PHETA2: variants seen among roughly 807,000 people sequenced by gnomAD.
PHETA2 encodes sesquipedalian-2.
For synonymous variants in PHETA2, 133 were observed against 142.9 expected (o/e 0.93, Z 0.50); for missense variants, 321 against 341.3 (o/e 0.94, Z 0.47).
rs541123415 is a variant in PHETA2 at position 42,075,177 on chromosome 22, T to C, written c.-96-394T>C. ...TGGGATGAAGGAAACAAACCAGAAA[T>C]GGGGGGGTCTACTGGTCAGGTGACC... On this transcript the variant is annotated intron_variant, in intron 1 of 2. Transcript: ENST00000321753. This position sits in a 1 kb window ranked among gnomAD's most constrained non-coding sequence, Gnocchi z 4.8. Among the ~76,000 whole-genome samples, 1 of 152,052 alleles carries C rather than the reference T, an allele frequency of 6.6e-6. No individual in the cohort carries two copies. The highest frequency in any genetic ancestry group is 2.4e-5 in the African/African-American group (1 of 41,470).
chr22:42,077,977 T>A lies in PHETA2; in HGVS notation c.684T>A (p.His228Gln). Reference protein sequence around the residue: ...SPETSCFSTLHDWYGQEIVEL... With the variant: ...SPETSCFSTLQDWYGQEIVEL... ...AGACCTCCTGCTTCTCTACCCTGCA[T>A]GACTGGTATGGCCAGGAGATCGTGG... is the stretch of plus-strand genomic sequence containing the variant. The change falls in exon 3 of 3, where the codon CAT becomes CAA. Residue 228 changes from histidine to glutamine, a missense_variant. Coordinates refer to ENST00000321753, the MANE Select transcript of PHETA2 (RefSeq NM_001002034.3). 6.2e-7 allele frequency: 1 copy of A among 1,611,950 alleles called. No homozygotes were observed. Among genetic ancestry groups the A allele is most frequent in the Non-Finnish European group, 8.5e-7 (1 of 1,179,194 alleles).
rs766575469 is a variant in PHETA2 at position 42,077,883 on chromosome 22, T to A, written c.590T>A (p.Leu197Ter). 2 of 1,613,502 alleles carry A rather than the reference T, an allele frequency of 1.2e-6. No individual in the cohort carries two copies. Among genetic ancestry groups the A allele is most frequent in the African/African-American group, 2.7e-5 (2 of 74,902 alleles). Residue 197 changes from leucine (L) to a stop codon, truncating the protein, a stop_gained, in exon 3 of 3, where the codon TTG becomes TAG. Coordinates refer to ENST00000321753, the MANE Select transcript of PHETA2 (RefSeq NM_001002034.3). LOFTEE classifies it high-confidence loss of function. ...EAGSRSAGWG[L>*]AEWELQGPAS... is the part of the protein sequence containing the mutation. The stretch of plus-strand genomic sequence containing the variant: ...GGCAGCAGGTCTGCAGGGTGGGGGT[T>A]GGCTGAGTGGGAGCTGCAGGGCCCT...
At position 42,075,007 on chromosome 22, in the gene PHETA2, C is replaced by T. The variant is rs1025025908; in HGVS notation, c.-96-564C>T. Among the ~76,000 whole-genome samples, 3 of 152,166 alleles carry T rather than the reference C, an allele frequency of 2.0e-5. No homozygotes were observed. Among genetic ancestry groups the T allele is most frequent in the Non-Finnish European group, 4.4e-5 (3 of 68,038 alleles). ...ACTTCGATTTGTCCACTGATGTATC[C>T]CCATTAATTCAACAGATCCCTCCTG... On this transcript the variant is annotated intron_variant, in intron 1 of 2. Coordinates refer to ENST00000321753, the MANE Select transcript of PHETA2 (RefSeq NM_001002034.3). The surrounding 1 kb of genome is among the most constrained non-coding windows in gnomAD (Gnocchi z 4.8).
In PHETA2 at chr22:42,077,833, C is replaced by A. The variant is rs866739275; in HGVS notation, c.540C>A (p.Ser180Arg). The A allele has an allele frequency of 6.2e-7, 1 of 1,613,144 alleles. No individual in the cohort carries two copies. Among genetic ancestry groups the A allele is most frequent in the Non-Finnish European group, 8.5e-7 (1 of 1,179,858 alleles). The stretch of plus-strand genomic sequence containing the variant: ...GCCACTGCCTCTCCAAGGACAGCAG[C>A]CCTGTGGGCTTGGTTGAAGAAGCGG... ...ENGHCLSKDS[S>R]PVGLVEEAGS... is the part of the protein sequence containing the mutation. Residue 180 changes from serine to arginine, a missense_variant, in exon 3 of 3, where the codon AGC becomes AGA. Coordinates refer to ENST00000321753, the MANE Select transcript of PHETA2 (RefSeq NM_001002034.3).
At position 42,078,433 on chromosome 22, in the gene PHETA2, G is replaced by A; in HGVS notation, c.*360G>A. 3.9e-6 allele frequency: 1 copy of A among 255,768 alleles called. No homozygotes were observed. The highest frequency in any genetic ancestry group is 8.0e-6 in the Non-Finnish European group (1 of 125,716). 15.8% of individuals were successfully genotyped at this position (255,768 alleles called of 1,614,324 possible). A position where few individuals can be genotyped will look rare whatever the true frequency, so the allele number is the denominator to read the frequency against. On this transcript the variant is annotated 3_prime_UTR_variant, in exon 3 of 3. Transcript: ENST00000321753. Reference sequence around the variant, plus strand: ...TTGCCATACCTTTGGCCTACACACCGGGCTCTAGAGCCATAATTTCCAACC... The same window carrying A: ...TTGCCATACCTTTGGCCTACACACCAGGCTCTAGAGCCATAATTTCCAACC...
At position 42,077,705 on chromosome 22, in the gene PHETA2, G is replaced by A. The variant is rs1927348892; in HGVS notation, c.412G>A (p.Ala138Thr). The A allele has an allele frequency of 6.2e-7, 1 of 1,614,082 alleles. No homozygotes were observed. The highest frequency in any genetic ancestry group is 2.2e-5 in the East Asian group (1 of 44,882). The change falls in exon 3 of 3, where the codon GCA (alanine) becomes ACA (threonine). Residue 138 changes from alanine (A) to threonine (T), a missense_variant. Physicochemically the swap from Ala to Thr is moderately conservative, Grantham distance 58. Coordinates refer to ENST00000321753, the MANE Select transcript of PHETA2 (RefSeq NM_001002034.3). Reference sequence around the variant, plus strand: ...CGAGTTGGAGAGCCAGTTGCAGGACGCACGCCAGAGCCTGGCTTTGCAACG... The same window carrying A: ...CGAGTTGGAGAGCCAGTTGCAGGACACACGCCAGAGCCTGGCTTTGCAACG... ...VRELESQLQDARQSLALQRRS... is the reference protein window; with the variant it reads ...VRELESQLQDTRQSLALQRRS...
Position 42,075,006 on chromosome 22 carries a change from C to A in PHETA2, c.-96-565C>A, listed in dbSNP as rs1216282151. ...GACTTCGATTTGTCCACTGATGTATCCCCATTAATTCAACAGATCCCTCCT... is the reference window on the plus strand; with the variant it reads ...GACTTCGATTTGTCCACTGATGTATACCCATTAATTCAACAGATCCCTCCT... On this transcript the variant is annotated intron_variant, in intron 1 of 2. Transcript: ENST00000321753. The surrounding 1 kb of genome is among the most constrained non-coding windows in gnomAD (Gnocchi z 4.8). Among the ~76,000 whole-genome samples, 2 of 152,202 alleles carry A rather than the reference C, an allele frequency of 1.3e-5. No individual in the cohort carries two copies. The highest frequency in any genetic ancestry group is 1.9e-4 in the East Asian group (1 of 5,182).
At position 42,077,914 on chromosome 22, in the gene PHETA2, C is replaced by T; in HGVS notation, c.621C>T (p.Ser207=). 1.2e-6 allele frequency: 2 copies of T among 1,613,292 alleles called. No individual in the cohort carries two copies. Among genetic ancestry groups the T allele is most frequent in the Non-Finnish European group, 8.5e-7 (1 of 1,179,646 alleles). The change falls in exon 3 of 3, where the codon AGC becomes AGT. Residue 207 remains serine, a synonymous_variant. Transcript: ENST00000321753. ...AGTGGGAGCTGCAGGGCCCTGCCAG[C>T]CTCCTCCTAGGCAAGGGGCAGAGCC... ...LAEWELQGPA[S]LLLGKGQSPV...
rs1298510571 is a variant in PHETA2 at position 42,075,472 on chromosome 22, G to C, written c.-96-99G>C. ...GGGGGATTCTCAGGGGTCAGGGAAG[G>C]CTTCCCGGTGGAGGCTGTGGTTTCA... On this transcript the variant is annotated intron_variant, in intron 1 of 2. Coordinates refer to ENST00000321753, the MANE Select transcript of PHETA2 (RefSeq NM_001002034.3). This position sits in a 1 kb window ranked among gnomAD's most constrained non-coding sequence, Gnocchi z 4.8. The C allele has an allele frequency of 6.6e-6, 1 of 152,466 alleles. No homozygotes were observed. The highest frequency in any genetic ancestry group is 1.5e-5 in the Non-Finnish European group (1 of 68,254). The allele number at this position is 152,466 out of a possible 1,614,324, so 9.4% of individuals were successfully genotyped here.
chr22:42,077,538 C>T lies in PHETA2; in HGVS notation c.245C>T (p.Pro82Leu). The change falls in exon 3 of 3, where the codon CCC becomes CTC. Residue 82 changes from proline to leucine, a missense_variant. Physicochemically the swap from Pro to Leu is moderately conservative, Grantham distance 98 (BLOSUM62 -3). Transcript: ENST00000321753. ...GTGGAACTGGCCGAGGCTCCCGTGC[C>T]CGAGGAGTTTGCCTTTGCCATCTGC... is the stretch of plus-strand genomic sequence containing the variant. The part of the protein sequence containing the change: ...CTVELAEAPV[P>L]EEFAFAICFD... The T allele has an allele frequency of 6.2e-7, 1 of 1,614,184 alleles. No homozygotes were observed.
Position 42,077,894 on chromosome 22 carries a change from G to C in PHETA2, c.601G>C (p.Glu201Gln), listed in dbSNP as rs759630860. ...TGCAGGGTGGGGGTTGGCTGAGTGG[G>C]AGCTGCAGGGCCCTGCCAGCCTCCT... ...RSAGWGLAEW[E>Q]LQGPASLLLG... Residue 201 changes from glutamate (E) to glutamine (Q), a missense_variant, in exon 3 of 3, where the codon GAG (glutamate) becomes CAG (glutamine). Physicochemically the swap from Glu to Gln is conservative, Grantham distance 29. Coordinates refer to ENST00000321753, the MANE Select transcript of PHETA2 (RefSeq NM_001002034.3). 1.2e-6 allele frequency: 2 copies of C among 1,613,514 alleles called. No homozygotes were observed. The highest frequency in any genetic ancestry group is 1.3e-5 in the African/African-American group (1 of 74,942).
Position 42,077,634 on chromosome 22 carries a change from A to C in PHETA2, c.341A>C (p.Lys114Thr). ...EGPAAQEAWV[K>T]VLSRASFGYM... is the part of the protein sequence containing the mutation. ...CCGGCGGCCCAGGAGGCCTGGGTGA[A>C]GGTGCTGTCCCGGGCAAGCTTTGGC... The change falls in exon 3 of 3, where the codon AAG becomes ACG. Residue 114 changes from lysine (K) to threonine (T), a missense_variant. Transcript: ENST00000321753. 6.2e-7 allele frequency: 1 copy of C among 1,614,118 alleles called. No individual in the cohort carries two copies.
chr22:42,076,792 G>A (rs1927299216), intron 2 of PHETA2, among the ~76,000 whole-genome samples: 1 of 152,172 alleles, frequency 6.6e-6, no homozygotes, highest in African/African-American at 2.4e-5. Context: ...GCTTCTGCCT[G>A]TAGGTCAATA....
Position 42,078,766 on chromosome 22 carries a change from T to C in PHETA2, c.*693T>C, listed in dbSNP as rs2146856848. 6.0e-6 allele frequency: 1 copy of C among 167,444 alleles called. No homozygotes were observed. Among genetic ancestry groups the C allele is most frequent in the African/African-American group, 2.4e-5 (1 of 41,574 alleles). The allele number at this position is 167,444 out of a possible 1,614,324, so 10.4% of individuals were successfully genotyped here. A position where few individuals can be genotyped will look rare whatever the true frequency, so the allele number is the denominator to read the frequency against. On this transcript the variant is annotated 3_prime_UTR_variant, in exon 3 of 3. Transcript: ENST00000321753. Reference sequence around the variant, plus strand: ...TGCCCCGGAAGGGGCTTGTAGCTTTTTTACGTCAACGAAATGCCCTCCTGT... The same window carrying C: ...TGCCCCGGAAGGGGCTTGTAGCTTTCTTACGTCAACGAAATGCCCTCCTGT...
Position 42,077,366 on chromosome 22 carries a change from C to A in PHETA2, c.73C>A (p.Arg25Ser), listed in dbSNP as rs781024582. ...DSPADHMGFLRTWGGPGTPPT... is the reference protein window; with the variant it reads ...DSPADHMGFLSTWGGPGTPPT... Reference sequence around the variant, plus strand: ...CCCAGCGGACCACATGGGCTTCCTGCGCACCTGGGGGGGCCCAGGGACCCC... The same window carrying A: ...CCCAGCGGACCACATGGGCTTCCTGAGCACCTGGGGGGGCCCAGGGACCCC... Residue 25 changes from arginine (R) to serine (S), a missense_variant, in exon 3 of 3, where the codon CGC (arginine) becomes AGC (serine). Transcript: ENST00000321753. 2 of 1,589,860 alleles carry A rather than the reference C, an allele frequency of 1.3e-6. No individual in the cohort carries two copies. Among genetic ancestry groups the A allele is most frequent in the East Asian group, 2.2e-5 (1 of 44,728 alleles).
In PHETA2 at chr22:42,075,042, C is replaced by T. The variant is rs1927232082; in HGVS notation, c.-96-529C>T. ...CAACAGATCCCTCCTGAGGGCCTCT[C>T]TGAGCCCTGCACGGTGCTGGGTATT... is the stretch of plus-strand genomic sequence containing the variant. On this transcript the variant is annotated intron_variant, in intron 1 of 2. Coordinates refer to ENST00000321753, the MANE Select transcript of PHETA2 (RefSeq NM_001002034.3). The surrounding 1 kb of genome is among the most constrained non-coding windows in gnomAD (Gnocchi z 4.8). Among the ~76,000 whole-genome samples the T allele has an allele frequency of 6.6e-6, 1 of 152,206 alleles. No homozygotes were observed. The highest frequency in any genetic ancestry group is 6.5e-5 in the Admixed American group (1 of 15,278).
chr22:42,077,580 T>C lies in PHETA2; in HGVS notation c.287T>C (p.Val96Ala). ...AFAICFDAPG[V>A]RPHLLAAEGP... ...GCCATCTGCTTTGATGCCCCTGGAG[T>C]GCGCCCACACCTGCTGGCCGCAGAA... The change falls in exon 3 of 3, where the codon GTG becomes GCG. Residue 96 changes from valine to alanine, a missense_variant. By Grantham distance (64) the Val-to-Ala change is moderately conservative. Coordinates refer to ENST00000321753, the MANE Select transcript of PHETA2 (RefSeq NM_001002034.3). The C allele has an allele frequency of 1.9e-6, 3 of 1,614,050 alleles. No homozygotes were observed. Among genetic ancestry groups the C allele is most frequent in the Non-Finnish European group, 2.5e-6 (3 of 1,179,986 alleles).
Position 42,079,017 on chromosome 22 carries a change from G to A in PHETA2, c.*944G>A, listed in dbSNP as rs1270328486. On this transcript the variant is annotated 3_prime_UTR_variant, in exon 3 of 3. Transcript: ENST00000321753. ...AAATCACCTGGGAACTCTCATAGCC[G>A]TTTGTCACCCAGGGTGTACTTGCCA... is the stretch of plus-strand genomic sequence containing the variant. The A allele has an allele frequency of 1.2e-5, 2 of 167,126 alleles. No individual in the cohort carries two copies. The highest frequency in any genetic ancestry group is 2.9e-5 in the Non-Finnish European group (2 of 68,154). 10.4% of individuals were successfully genotyped at this position (167,126 alleles called of 1,614,324 possible).
Position 42,075,860 on chromosome 22 carries a change from C to T in PHETA2, c.-15+208C>T, listed in dbSNP as rs1158889820. Among the ~76,000 whole-genome samples, 1 of 152,144 alleles carries T rather than the reference C, an allele frequency of 6.6e-6. No homozygotes were observed. The highest frequency in any genetic ancestry group is 6.6e-5 in the Admixed American group (1 of 15,266). On this transcript the variant is annotated intron_variant, in intron 2 of 2. Coordinates refer to ENST00000321753, the MANE Select transcript of PHETA2 (RefSeq NM_001002034.3). The surrounding 1 kb of genome is among the most constrained non-coding windows in gnomAD (Gnocchi z 4.8). ...AGCTGTACCCTGGGTTTGTGCCACA[C>T]TCTTGTGTACAGAGTAGCTCCCCAT...
Sources: allele counts gnomAD v4.1 joint callset (sites outside exome capture counted in the v4.1 genomes callset), GRCh38; gene constraint gnomAD v4.1.1; non-coding constraint Gnocchi (gnomAD v3.1); transcripts MANE v1.5; gene names NCBI Gene and HGNC (gene_info 2026-07-23, HGNC 2026-07-21).